The following LPP variants were observed in gnomAD, a reference collection of about 807,000 sequenced individuals.
LPP encodes LIM domain containing preferred translocation partner in lipoma, also known as lipoma-preferred partner.
In LPP, 38 loss-of-function variants were observed where a neutral mutation model predicts 60.4. That is an observed-to-expected ratio of 0.63 (90% CI 0.49 to 0.83). LPP has a LOEUF of 0.83. Ranked by LOEUF, LPP falls within the 40% of genes least tolerant of loss-of-function variation. The pLI is 0.00. For missense variants in LPP, 902 were observed against 783.6 expected (o/e 1.15, Z -1.80); for synonymous variants, 328 against 290.8 (o/e 1.13, Z -1.30).
intron 7 of LPP, among the ~76,000 whole-genome samples, chr3:188,652,924 A>G (rs1852389583): frequency 6.6e-6 from 1 of 151,736 alleles, no homozygotes; most frequent in South Asian, 2.1e-4. Context: ...CCAGAACCCT[A>G]CCCCCAAATG....
At chr3:188,470,705 A>G (rs1801635108) in intron 4 of LPP, among the ~76,000 whole-genome samples, 1 of 152,080 alleles carries the variant, frequency 6.6e-6, no homozygotes, top group Non-Finnish European at 1.5e-5. Flanking sequence ...GGCCTCCAAG[A>G]ATAGCTTGGG....
At chr3:188,487,763 CG>C (rs1293370258) in intron 5 of LPP, among the ~76,000 whole-genome samples, 1 of 152,150 alleles carries the variant, frequency 6.6e-6, no homozygotes, top group Non-Finnish European at 1.5e-5. Context: ...GAAAATTCTG[CG>C]CAGTTTCCTC....
At chr3:188,695,868 A>T (rs1863132057) in intron 7 of LPP, among the ~76,000 whole-genome samples, 1 of 152,220 alleles carries the variant, frequency 6.6e-6, no homozygotes, top group South Asian at 2.1e-4. Context: ...TGTAAGTTTC[A>T]TATTTCTAAA....
chr3:188,597,754 C>G (rs1407545103), intron 6 of LPP, among the ~76,000 whole-genome samples: 1 of 152,024 alleles, frequency 6.6e-6, no homozygotes, highest in African/African-American at 2.4e-5. Flanking sequence ...ACACTTCTCT[C>G]TTGTATGGAA....
chr3:188,599,754 GTGT>G (rs1840723783), intron 6 of LPP, among the ~76,000 whole-genome samples: 2 of 138,358 alleles, frequency 1.4e-5, no homozygotes, highest in African/African-American at 3.2e-5. Flanking sequence ...CGTTAGGGGT[GTGT>G]GTGTGTGTGT....
chr3:188,732,420 A>G (rs9290879), intron 8 of LPP, among the ~76,000 whole-genome samples: 34,479 of 152,170 alleles, frequency 0.23, 4,380 homozygotes, highest in Middle Eastern at 0.43. Flanking sequence ...ACATTGCCAC[A>G]TTAATGCTAA....
chr3:188,386,978 T>C (rs1252247148), intron 3 of LPP, among the ~76,000 whole-genome samples: 1 of 152,146 alleles, frequency 6.6e-6, no homozygotes, highest in Non-Finnish European at 1.5e-5. Context: ...TATGCTATCT[T>C]AAGTCTAGAG....
At chr3:188,723,031 T>C (rs534912210) in intron 8 of LPP, among the ~76,000 whole-genome samples, 34 of 152,344 alleles carry the variant, frequency 2.2e-4, no homozygotes, top group African/African-American at 7.5e-4. Context: ...TTAGTCATTG[T>C]GTGTGAGAAA....
intron 2 of LPP, among the ~76,000 whole-genome samples, chr3:188,281,471 G>T (rs1451482804): frequency 6.6e-6 from 1 of 151,762 alleles, no homozygotes; most frequent in Non-Finnish European, 1.5e-5. Context: ...AAGCATGATG[G>T]TTCGTGCCTG....
intron 7 of LPP, among the ~76,000 whole-genome samples, chr3:188,642,741 A>G (rs538585590): frequency 3.9e-5 from 6 of 152,262 alleles, no homozygotes; most frequent in Non-Finnish European, 8.8e-5. Context: ...GTTTGAGACC[A>G]GCCTGACCAA....
chr3:188,756,860 C>G (rs1002605410), intron 8 of LPP, among the ~76,000 whole-genome samples: 3 of 152,166 alleles, frequency 2.0e-5, no homozygotes, highest in African/African-American at 7.2e-5. Flanking sequence ...GAGGAATATT[C>G]TCCAAAGCAT....
chr3:188,200,781 A>G (rs1428891898), intron 1 of LPP, among the ~76,000 whole-genome samples: 2 of 152,222 alleles, frequency 1.3e-5, no homozygotes, highest in African/African-American at 4.8e-5. Context: ...GCTGGTGGAA[A>G]TAGTCTGATT....
In LPP at chr3:188,785,535, C is replaced by CATATATATATATATATAT. The variant is rs369062490; in HGVS notation, c.1410+25266_1410+25267insTATATATATATATATATA. Among the ~76,000 whole-genome samples, 21 of 15,670 alleles carry CATATATATATATATATAT rather than the reference C, an allele frequency of 1.3e-3. 3 individuals carry two copies. The South Asian group carries it at 0.016, about 12-fold the overall frequency. 10.3% of individuals were successfully genotyped at this position (15,670 alleles called of 152,430 possible). On this transcript the variant is annotated intron_variant, in intron 9 of 11. Coordinates refer to ENST00000617246, the MANE Select transcript of LPP (RefSeq NM_001375462.1). Reference sequence around the variant, plus strand: ...ATATATATATATATATATATTCCATCATATATATATATACACACACACACA... The same window carrying CATATATATATATATATAT: ...ATATATATATATATATATATTCCATCATATATATATATATATATATATATATATATACACACACACACA...
intron 4 of LPP, among the ~76,000 whole-genome samples, chr3:188,416,774 C>T (rs1175790240): frequency 6.6e-6 from 1 of 152,120 alleles, no homozygotes; most frequent in Admixed American, 6.6e-5. Flanking sequence ...ATGGATTCTT[C>T]GAGAATGCCC....
chr3:188,743,249 A>G (rs1277615457), intron 8 of LPP, among the ~76,000 whole-genome samples: 1 of 152,134 alleles, frequency 6.6e-6, no homozygotes, highest in Non-Finnish European at 1.5e-5. Flanking sequence ...TAACTCACAT[A>G]ATTACAATGA....
chr3:188,461,165 G>A (rs910194199), intron 4 of LPP, among the ~76,000 whole-genome samples: 5 of 152,130 alleles, frequency 3.3e-5, no homozygotes, highest in African/African-American at 1.2e-4. Flanking sequence ...CTGGGGGATG[G>A]TGAGCTCCTT....
chr3:188,465,421 GT>G (rs146729321), intron 4 of LPP, among the ~76,000 whole-genome samples: 1 of 152,306 alleles, frequency 6.6e-6, no homozygotes, highest in African/African-American at 2.4e-5. Context: ...CCATCCTGAT[GT>G]GGTGGCCCCA....
intron 3 of LPP, among the ~76,000 whole-genome samples, chr3:188,384,388 T>C (rs1048000834): frequency 9.2e-5 from 14 of 151,664 alleles, no homozygotes; most frequent in Admixed American, 9.2e-4. Context: ...ACACCATATA[T>C]ATATGGCTTA....
intron 6 of LPP, among the ~76,000 whole-genome samples, chr3:188,562,065 ACACACACAGACAC>A (rs1830830090): frequency 6.6e-6 from 1 of 151,684 alleles, no homozygotes; most frequent in Non-Finnish European, 1.5e-5. Context: ...ACACACACAG[ACACACACAGACAC>A]ACACACACAT....
Sources: allele counts gnomAD v4.1 joint callset (sites outside exome capture counted in the v4.1 genomes callset), GRCh38; gene constraint gnomAD v4.1.1; transcripts MANE v1.5; gene names NCBI Gene and HGNC (gene_info 2026-07-23, HGNC 2026-07-21).